The following FAM107B variants were observed in gnomAD, a reference collection of about 807,000 sequenced individuals.
The protein encoded by FAM107B is protein FAM107B.
FAM107B carries 21 observed loss-of-function variants against 31.5 expected under a neutral mutation model. That is an observed-to-expected ratio of 0.67 (90% CI 0.47 to 0.96). The LOEUF (loss-of-function observed/expected upper bound fraction) is 0.96. Among genes scored for constraint, FAM107B ranks in the 40% least tolerant of loss-of-function variants. FAM107B has a pLI of 0.00. For synonymous variants in FAM107B, 157 were observed against 141.5 expected (o/e 1.11, Z -0.78); for missense variants, 452 against 377.1 (o/e 1.20, Z -1.64).
At chr10:14,732,204 T>G (rs1856190418) in intron 1 of FAM107B, among the ~76,000 whole-genome samples, 1 of 152,222 alleles carries the variant, frequency 6.6e-6, no homozygotes, top group Non-Finnish European at 1.5e-5. Flanking sequence ...TTACAACGGC[T>G]ATCTCTCTGC....
intron 2 of FAM107B, among the ~76,000 whole-genome samples, chr10:14,659,825 G>C (rs1033993727): frequency 6.6e-6 from 1 of 152,216 alleles, no homozygotes; most frequent in East Asian, 1.9e-4. Flanking sequence ...CCGCAGAGGG[G>C]CTGGCCTTAT....
chr10:14,629,883 T>A (rs1037319887), intron 2 of FAM107B, among the ~76,000 whole-genome samples: 11 of 152,134 alleles, frequency 7.2e-5, no homozygotes, highest in South Asian at 2.1e-4. Context: ...AAAAAAAACA[T>A]GATTTTTACA....
intron 2 of FAM107B, among the ~76,000 whole-genome samples, chr10:14,603,889 C>A (rs1462878994): frequency 1.3e-4 from 20 of 151,244 alleles, no homozygotes; most frequent in Non-Finnish European, 2.4e-4. Flanking sequence ...ACGGCGCACA[C>A]GGCCAGGCAG....
chr10:14,748,126 G>C lies in FAM107B; in HGVS notation c.411+26127C>G, dbSNP rs563122864. Among the ~76,000 whole-genome samples the C allele has an allele frequency of 5.9e-5, 9 of 152,238 alleles. No individual in the cohort carries two copies. The South Asian group carries it at 1.0e-3, about 18-fold the overall frequency. ...GCACTTACTGTACCATTCTAATTTT[G>C]TTTACTTGTCTATTTTAGCAACTAG... On this transcript the variant is annotated intron_variant, in intron 1 of 4. Transcript: ENST00000181796.
At chr10:14,773,053 G>A (rs1220083016) in intron 1 of FAM107B, among the ~76,000 whole-genome samples, 1 of 152,094 alleles carries the variant, frequency 6.6e-6, no homozygotes, top group Admixed American at 6.5e-5. Flanking sequence ...TCTGGATGTG[G>A]CTATACACTG....
chr10:14,655,121 C>T (rs1854010598), intron 2 of FAM107B, among the ~76,000 whole-genome samples: 1 of 152,082 alleles, frequency 6.6e-6, no homozygotes, highest in Admixed American at 6.6e-5. Flanking sequence ...AGAGAGAGAA[C>T]GAGGTGCCAG....
chr10:14,611,288 T>C (rs1852717331), intron 2 of FAM107B, among the ~76,000 whole-genome samples: 1 of 152,094 alleles, frequency 6.6e-6, no homozygotes, highest in Non-Finnish European at 1.5e-5. Flanking sequence ...TTAAGCAATA[T>C]GAAGATAATT....
chr10:14,586,908 A>G (rs1851862363), intron 2 of FAM107B, among the ~76,000 whole-genome samples: 1 of 152,220 alleles, frequency 6.6e-6, no homozygotes, highest in Non-Finnish European at 1.5e-5. Flanking sequence ...CAGGTGGAGA[A>G]GGCCCAAGAG....
chr10:14,740,934 T>G lies in FAM107B; in HGVS notation c.411+33319A>C, dbSNP rs1354690088. On this transcript the variant is annotated intron_variant, in intron 1 of 4. Coordinates refer to ENST00000181796, the MANE Select transcript of FAM107B (RefSeq NM_031453.4). ...AAGTGTGGGTTCATTTTCTGTCACT[T>G]GTGATCAAAAATGTTCTGTTAAGTG... Among the ~76,000 whole-genome samples, 3 of 152,206 alleles carry G rather than the reference T, an allele frequency of 2.0e-5. 1 individual carries two copies. Among genetic ancestry groups the G allele is most frequent in the Admixed American group, 2.0e-4 (3 of 15,280 alleles).
chr10:14,530,219 C>G, intron 3 of FAM107B, 113 bp downstream of exon 3: 1 of 1,175,652 alleles, frequency 8.5e-7, no homozygotes, highest in Non-Finnish European at 1.2e-6. Context: ...AAAGCCTTAA[C>G]AAAGTGCAAG....
intron 1 of FAM107B, among the ~76,000 whole-genome samples, chr10:14,745,088 C>T (rs983582654): frequency 1.6e-4 from 25 of 152,102 alleles, no homozygotes; most frequent in Non-Finnish European, 2.5e-4. Flanking sequence ...CCAGTTCATT[C>T]GCATAGAGGT....
chr10:14,723,784 G>T, intron 1 of FAM107B: 1 of 757,906 alleles, frequency 1.3e-6, no homozygotes, highest in East Asian at 2.4e-5. Context: ...AGTGGCAGCA[G>T]CAAACTTCAG....
chr10:14,559,437 C>T (rs1850034347), intron 2 of FAM107B, among the ~76,000 whole-genome samples: 1 of 151,248 alleles, frequency 6.6e-6, no homozygotes, highest in Non-Finnish European at 1.5e-5. Context: ...GGAAACCATA[C>T]CAGGGAGATT....
intron 1 of FAM107B, among the ~76,000 whole-genome samples, chr10:14,766,245 A>G (rs1833159027): frequency 6.6e-6 from 1 of 152,228 alleles, no homozygotes; most frequent in Non-Finnish European, 1.5e-5. Context: ...TAAATTAATG[A>G]AATGATCCTA....
chr10:14,621,875 T>C (rs1588663852), intron 2 of FAM107B, among the ~76,000 whole-genome samples: 1 of 152,060 alleles, frequency 6.6e-6, no homozygotes, highest in Admixed American at 6.5e-5. Context: ...TAAAAAAAAA[T>C]GTACAGAAGT....
At position 14,696,900 on chromosome 10, in the gene FAM107B, A is replaced by G. The variant is rs1314255661; in HGVS notation, c.412-29209T>C. Among the ~76,000 whole-genome samples, 4 of 152,152 alleles carry G rather than the reference A, an allele frequency of 2.6e-5. No individual in the cohort carries two copies. The East Asian group carries it at 5.8e-4, about 22-fold the overall frequency. Reference sequence around the variant, plus strand: ...AATTTCAGTGATTTGCTCCTTTAGCATCTCTGAAAAGTGTCAAAGGTCTGC... The same window carrying G: ...AATTTCAGTGATTTGCTCCTTTAGCGTCTCTGAAAAGTGTCAAAGGTCTGC... On this transcript the variant is annotated intron_variant, in intron 1 of 4. Transcript: ENST00000181796.
intron 1 of FAM107B, among the ~76,000 whole-genome samples, chr10:14,671,590 T>C (rs907185765): frequency 2.8e-4 from 42 of 152,188 alleles, no homozygotes; most frequent in African/African-American, 9.1e-4. Context: ...TCAGGGTTAG[T>C]GAGACCTAAT....
intron 2 of FAM107B, among the ~76,000 whole-genome samples, chr10:14,561,996 G>T (rs1428034511): frequency 6.6e-6 from 1 of 152,162 alleles, no homozygotes; most frequent in Non-Finnish European, 1.5e-5. Flanking sequence ...ATGTTGGCCA[G>T]GCTGGTCTCA....
At chr10:14,585,664 G>A (rs954396652) in intron 2 of FAM107B, among the ~76,000 whole-genome samples, 6 of 152,182 alleles carry the variant, frequency 3.9e-5, no homozygotes, top group South Asian at 2.1e-4. Context: ...GGCGCAGAAC[G>A]TTCTTTGGAA....
Sources: gnomAD v4.1 joint callset for allele counts (sites outside exome capture counted in the v4.1 genomes callset) on GRCh38, gnomAD v4.1.1 for gene constraint, MANE v1.5 for transcripts, NCBI Gene and HGNC (gene_info 2026-07-23, HGNC 2026-07-21) for gene names.